IL18R1: variants seen among roughly 807,000 people sequenced by gnomAD.
The protein encoded by IL18R1 is interleukin 18 receptor 1.
IL18R1 carries 40 observed loss-of-function variants against 48.5 expected under a neutral mutation model. The observed-to-expected ratio is 0.82, with a 90% CI of 0.64 to 1.07. IL18R1 has a LOEUF of 1.07. IL18R1 is among the 50% of genes least tolerant of loss of function. IL18R1 has a pLI of 0.00. For synonymous variants in IL18R1, 232 were observed against 225.9 expected (o/e 1.03, Z -0.24); for missense variants, 596 against 633.7 (o/e 0.94, Z 0.64).
chr2:102,371,225 A>G (rs1679239530), intron 3 of IL18R1, among the ~76,000 whole-genome samples: 1 of 152,022 alleles, frequency 6.6e-6, no homozygotes, highest in Non-Finnish European at 1.5e-5. Flanking sequence ...GAGTTTCACC[A>G]CATTGGCCAG....
chr2:102,372,170 T>G, intron 4 of IL18R1, 52 bp downstream of exon 4: 1 of 1,443,146 alleles, frequency 6.9e-7, no homozygotes, highest in African/African-American at 1.4e-5. Context: ...AAGATAAAAT[T>G]CCCAAATGAG....
At chr2:102,382,400 T>C (rs1313662597) in intron 6 of IL18R1, among the ~76,000 whole-genome samples, 1 of 152,196 alleles carries the variant, frequency 6.6e-6, no homozygotes, top group Non-Finnish European at 1.5e-5. Context: ...ATTGACTGAA[T>C]TGATTGTATA....
chr2:102,377,901 G>A (rs1313178494), intron 5 of IL18R1, among the ~76,000 whole-genome samples: 1 of 152,246 alleles, frequency 6.6e-6, no homozygotes, highest in African/African-American at 2.4e-5. Context: ...GGAGTAGGAT[G>A]TGGGAAACTT....
chr2:102,372,676 C>T (rs757450810), intron 4 of IL18R1, among the ~76,000 whole-genome samples: 11 of 151,926 alleles, frequency 7.2e-5, no homozygotes, highest in Middle Eastern at 3.4e-3. Context: ...CTAAGAATTA[C>T]GTTGTGACTA....
At chr2:102,370,108 G>A (rs1249674077) in intron 3 of IL18R1, among the ~76,000 whole-genome samples, 2 of 152,168 alleles carry the variant, frequency 1.3e-5, no homozygotes, top group Non-Finnish European at 2.9e-5. Context: ...TGGGCCTGCA[G>A]CAGGAAAGTG....
intron 2 of IL18R1, 62 bp downstream of exon 2, chr2:102,362,780 T>C: frequency 9.3e-7 from 1 of 1,077,450 alleles, no homozygotes; most frequent in Non-Finnish European, 1.4e-6. Flanking sequence ...ATGTCAAAGT[T>C]TTTTTTTTTA....
intron 8 of IL18R1, among the ~76,000 whole-genome samples, chr2:102,388,754 C>G (rs1278101423): frequency 6.6e-6 from 1 of 152,150 alleles, no homozygotes. Flanking sequence ...ACTATGCAGT[C>G]CTTTCCAAGG....
At position 102,396,695 on chromosome 2, in the gene IL18R1, G is replaced by C; in HGVS notation, c.1435G>C (p.Val479Leu). 1 of 1,614,044 alleles carries C rather than the reference G, an allele frequency of 6.2e-7. No homozygotes were observed. Among genetic ancestry groups the C allele is most frequent in the Non-Finnish European group, 8.5e-7 (1 of 1,179,914 alleles). Residue 479 changes from valine (V) to leucine (L), a missense_variant, in exon 11 of 11, where the codon GTT becomes CTT. Transcript: ENST00000233957. ...IKIILIEFTP[V>L]TDFTFLPQSL... ...AATAATCTTAATTGAATTTACACCT[G>C]TTACTGACTTCACATTCTTGCCCCA...
chr2:102,394,317 TG>T (rs1680706231), intron 9 of IL18R1, 151 bp from the exon 10 acceptor site: 4 of 468,814 alleles, frequency 8.5e-6, no homozygotes, highest in Admixed American at 3.6e-5. Flanking sequence ...ATTGGTTGCT[TG>T]GTTAGCATGG....
At chr2:102,356,867 G>C (rs1025935144) in intron 1 of IL18R1, among the ~76,000 whole-genome samples, 3 of 152,140 alleles carry the variant, frequency 2.0e-5, no homozygotes, top group African/African-American at 7.2e-5. Context: ...CAGAGCCTTT[G>C]TCTTTTTTCT....
rs754443342 is a variant in IL18R1, at chr2:102,381,586, C to A, written c.626-34C>A. ...TGTCATAAAGAAGCTCAAGGCAACA[C>A]TAATACATTTGTCTTTTCTTTTGTC... On this transcript the variant is annotated intron_variant, in intron 5 of 10. Transcript: ENST00000233957. The A allele has an allele frequency of 6.0e-6, 9 of 1,507,540 alleles. No individual in the cohort carries two copies. The South Asian group carries it at 9.0e-5, about 15-fold the overall frequency. The allele number at this position is 1,507,540 out of a possible 1,614,324, so 93.4% of individuals were successfully genotyped here. A position where few individuals can be genotyped will look rare whatever the true frequency, so the allele number is the denominator to read the frequency against.
At chr2:102,371,515 A>T (rs1180014658) in intron 3 of IL18R1, among the ~76,000 whole-genome samples, 1 of 152,052 alleles carries the variant, frequency 6.6e-6, no homozygotes, top group Non-Finnish European at 1.5e-5. Flanking sequence ...AACAAAACCT[A>T]ATATATATAT....
Position 102,398,578 on chromosome 2 carries a change from A to T in IL18R1, c.*1692A>T, listed in dbSNP as rs1006912597. The T allele has an allele frequency of 1.3e-5, 2 of 152,280 alleles. No homozygotes were observed. Among genetic ancestry groups the T allele is most frequent in the Non-Finnish European group, 2.9e-5 (2 of 68,046 alleles). 9.4% of individuals were successfully genotyped at this position (152,280 alleles called of 1,614,324 possible). ...TGAAAACATGTTAGTGAACATATAT[A>T]ATCAAAATAGATTTCATTGCTATTG... On this transcript the variant is annotated 3_prime_UTR_variant, in exon 11 of 11. Coordinates refer to ENST00000233957, the MANE Select transcript of IL18R1 (RefSeq NM_003855.5).
intron 1 of IL18R1, among the ~76,000 whole-genome samples, chr2:102,358,005 TA>T (rs35998096): frequency 0.32 from 47,932 of 151,352 alleles, 8,365 homozygotes; most frequent in Middle Eastern, 0.52. Context: ...AAAATTATAT[TA>T]AAAAAAAACT....
chr2:102,360,853 A>G (rs1463228642), intron 1 of IL18R1, among the ~76,000 whole-genome samples: 3 of 152,224 alleles, frequency 2.0e-5, no homozygotes, highest in African/African-American at 4.8e-5. Context: ...TTGCTAGAGT[A>G]TCTGTTACAT....
chr2:102,385,966 C>T (rs553182053), intron 7 of IL18R1, among the ~76,000 whole-genome samples: 2 of 152,176 alleles, frequency 1.3e-5, no homozygotes, highest in Non-Finnish European at 2.9e-5. Context: ...GGTGCACACA[C>T]CTTTGATATC....
intron 10 of IL18R1, among the ~76,000 whole-genome samples, chr2:102,395,648 T>C (rs1017258825): frequency 6.6e-6 from 1 of 152,356 alleles, no homozygotes; most frequent in Non-Finnish European, 1.5e-5. Context: ...GCATTTATTC[T>C]GGGCCATACA....
intron 10 of IL18R1, 82 bp downstream of exon 10, chr2:102,394,709 C>T (rs1680732421): frequency 1.6e-6 from 2 of 1,234,512 alleles, no homozygotes; most frequent in Non-Finnish European, 2.2e-6. Context: ...GAGAGCTATC[C>T]CATTTTCCTT....
At chr2:102,378,216 G>C (rs1410786944) in intron 5 of IL18R1, among the ~76,000 whole-genome samples, 2 of 152,142 alleles carry the variant, frequency 1.3e-5, no homozygotes, top group African/African-American at 4.8e-5. Flanking sequence ...GCCAAGTACT[G>C]GAGTTGAATC....
Sources: gnomAD v4.1 joint callset for allele counts (sites outside exome capture counted in the v4.1 genomes callset) on GRCh38, gnomAD v4.1.1 for gene constraint, MANE v1.5 for transcripts, NCBI Gene and HGNC (gene_info 2026-07-23, HGNC 2026-07-21) for gene names.